The following TRHDE variants were observed in gnomAD, a reference collection of about 807,000 sequenced individuals.
TRHDE encodes thyrotropin releasing hormone degrading enzyme.
A neutral mutation model predicts 125.7 loss-of-function variants in TRHDE; 72 were observed. The ratio of observed to expected loss-of-function variants is 0.57; its 90% CI spans 0.47 to 0.70. The LOEUF (loss-of-function observed/expected upper bound fraction) is 0.70. Ranked by LOEUF, TRHDE falls within the 30% of genes least tolerant of loss-of-function variation. TRHDE has a pLI of 0.00. For synonymous variants in TRHDE, 509 were observed against 509.1 expected, an observed-to-expected ratio of 1.00 and a Z score of 0.00; for missense variants, 1,110 against 1,327.1, an observed-to-expected ratio of 0.84 and a Z score of 2.54.
intron 3 of TRHDE, among the ~76,000 whole-genome samples, chr12:72,384,633 C>T (rs969069219): frequency 1.3e-5 from 2 of 152,170 alleles, no homozygotes; most frequent in Middle Eastern, 3.4e-3. Flanking sequence ...TAGGAAAGTC[C>T]ATGAATACCC....
At chr12:72,494,328 T>C (rs1877811680) in intron 5 of TRHDE, among the ~76,000 whole-genome samples, 1 of 152,004 alleles carries the variant, frequency 6.6e-6, no homozygotes, top group African/African-American at 2.4e-5. Flanking sequence ...AACCCATGTC[T>C]CTTTGATAAT....
chr12:72,264,889 T>A (rs1351514470), intron 2 of TRHDE, among the ~76,000 whole-genome samples: 3 of 148,750 alleles, frequency 2.0e-5, no homozygotes, highest in African/African-American at 7.5e-5. Context: ...TCAAAACAGT[T>A]ATCTTTAGGT....
intron 12 of TRHDE, among the ~76,000 whole-genome samples, chr12:72,605,117 T>C (rs994643980): frequency 1.3e-5 from 2 of 152,092 alleles, no homozygotes; most frequent in Non-Finnish European, 2.9e-5. Context: ...AGGTAGCTAT[T>C]AGAAGCAACT....
At chr12:72,563,939 C>T (rs1055498337) in intron 9 of TRHDE, among the ~76,000 whole-genome samples, 14 of 152,068 alleles carry the variant, frequency 9.2e-5, no homozygotes, top group Non-Finnish European at 1.9e-4. Flanking sequence ...ATCATTCACC[C>T]ATGTCTAGGA....
chr12:72,316,581 C>T (rs1373582500), intron 2 of TRHDE, among the ~76,000 whole-genome samples: 4 of 152,134 alleles, frequency 2.6e-5, no homozygotes, highest in African/African-American at 4.8e-5. Flanking sequence ...TGCTGTCCTG[C>T]CTTTTACCCC....
intron 2 of TRHDE, among the ~76,000 whole-genome samples, chr12:72,195,604 T>G (rs891356551): frequency 4.6e-5 from 7 of 152,148 alleles, no homozygotes; most frequent in African/African-American, 1.7e-4. Flanking sequence ...GTTTGTTTTT[T>G]GCTTGTTTTT....
intron 2 of TRHDE, among the ~76,000 whole-genome samples, chr12:72,316,102 T>C (rs1335827699): frequency 1.3e-5 from 2 of 152,184 alleles, no homozygotes; most frequent in Non-Finnish European, 2.9e-5. Flanking sequence ...TAGCTTGTCA[T>C]TGAATATATT....
chr12:72,192,552 A>G (rs1877361568), intron 2 of TRHDE, among the ~76,000 whole-genome samples: 1 of 152,096 alleles, frequency 6.6e-6, no homozygotes, highest in Non-Finnish European at 1.5e-5. Context: ...ACTCTGGCTT[A>G]ACTCTGAGGT....
At chr12:72,485,984 C>T (rs573551) in intron 5 of TRHDE, among the ~76,000 whole-genome samples, 1 of 151,644 alleles carries the variant, frequency 6.6e-6, no homozygotes, top group East Asian at 2.0e-4. Context: ...TAGTTCCAAC[C>T]TCTCAGGGTC....
chr12:72,616,592 G>C (rs1470060209), intron 12 of TRHDE, among the ~76,000 whole-genome samples: 1 of 151,906 alleles, frequency 6.6e-6, no homozygotes, highest in East Asian at 1.9e-4. Context: ...CAAAGTATGA[G>C]TCATTAAATA....
chr12:72,130,531 A>G (rs968273607), intron 2 of TRHDE, among the ~76,000 whole-genome samples: 3 of 152,192 alleles, frequency 2.0e-5, no homozygotes, highest in Non-Finnish European at 2.9e-5. Context: ...AACCGAGGAA[A>G]ATATAGGAGA....
chr12:72,620,119 C>T (rs1872983735), intron 13 of TRHDE, among the ~76,000 whole-genome samples: 1 of 151,958 alleles, frequency 6.6e-6, no homozygotes, highest in Non-Finnish European at 1.5e-5. Context: ...TTCTCCCTAA[C>T]ACAAAGACAC....
At chr12:72,242,855 C>T (rs4237860) in intron 2 of TRHDE, among the ~76,000 whole-genome samples, 111,034 of 152,028 alleles carry the variant, frequency 0.73, 42,091 homozygotes, top group Non-Finnish European at 0.84. Flanking sequence ...GGCTACTTCT[C>T]CTTAACCAAA....
intron 2 of TRHDE, among the ~76,000 whole-genome samples, chr12:72,240,194 G>A (rs938969341): frequency 6.6e-6 from 1 of 151,242 alleles, no homozygotes; most frequent in South Asian, 2.1e-4. Context: ...TATTTTTAAA[G>A]TTATATGTGT....
intron 2 of TRHDE, among the ~76,000 whole-genome samples, chr12:72,175,521 G>T (rs942476228): frequency 6.6e-6 from 1 of 152,122 alleles, no homozygotes; most frequent in Non-Finnish European, 1.5e-5. Context: ...GTCAGCAGAG[G>T]AAAAAATGAA....
At chr12:72,120,995 G>T (rs1045820920) in intron 2 of TRHDE, among the ~76,000 whole-genome samples, 2 of 151,894 alleles carry the variant, frequency 1.3e-5, no homozygotes, top group South Asian at 2.1e-4. Context: ...ACTTTTTGTT[G>T]TTTCTATTTA....
rs1233283631 is a variant in TRHDE at position 72,187,506 on chromosome 12, T to TGGTGGA, written n.279+81756_279+81757insTGGAGG. On this transcript the variant is annotated intron_variant and non_coding_transcript_variant, in intron 2 of 4. Transcript: ENST00000548156. The stretch of plus-strand genomic sequence containing the variant: ...GTGGTGGTGGTGGTGGTGGTGGTGG[T>TGGTGGA]GGAGGAGGAGGAGGAGGAGGAGGAG... 7.7e-3 allele frequency among the ~76,000 whole-genome samples: 1,019 copies of TGGTGGA among 132,264 alleles called. 18 individuals are homozygous for TGGTGGA. The highest frequency in any genetic ancestry group is 0.028 in the African/African-American group (964 of 34,510). The allele number at this position is 132,264 out of a possible 152,430, so 86.8% of individuals were successfully genotyped here.
intron 12 of TRHDE, among the ~76,000 whole-genome samples, chr12:72,611,968 G>A (rs1038684134): frequency 2.6e-5 from 4 of 152,128 alleles, no homozygotes; most frequent in Non-Finnish European, 5.9e-5. Context: ...AGACAAAAGA[G>A]AAAAACAATC....
chr12:72,164,472 C>G (rs1784184955), intron 2 of TRHDE, among the ~76,000 whole-genome samples: 1 of 152,156 alleles, frequency 6.6e-6, no homozygotes, highest in Non-Finnish European at 1.5e-5. Flanking sequence ...TAGGGTCTTA[C>G]ATGCAGGGGA....
Sources: allele counts gnomAD v4.1 joint callset (sites outside exome capture counted in the v4.1 genomes callset), GRCh38; gene constraint gnomAD v4.1.1; transcripts MANE v1.5; gene names NCBI Gene and HGNC (gene_info 2026-07-23, HGNC 2026-07-21).